Variants in COL5A2 observed in about 807,000 individuals in gnomAD.
The protein encoded by COL5A2 is collagen type V alpha 2 chain.
In COL5A2, 23 loss-of-function variants were observed where a neutral mutation model predicts 208.2. The observed-to-expected ratio is 0.11, with a 90% confidence interval of 0.08 to 0.16. COL5A2 has a LOEUF of 0.16. Among genes scored for constraint, COL5A2 ranks in the 10% least tolerant of loss-of-function variants. The pLI, the probability that COL5A2 is intolerant of heterozygous loss-of-function variation, is 1.00. For synonymous variants in COL5A2, 625 were observed against 628.5 expected, an observed-to-expected ratio of 0.99 and a Z score of 0.08; for missense variants, 1,590 against 1,956.4, an observed-to-expected ratio of 0.81 and a Z score of 3.53.
chr2:189,428,335 G>A, the COL5A2 span, among the ~76,000 whole-genome samples: 1 of 152,058 alleles, frequency 6.6e-6, no homozygotes. Context: ...GTTTAAAACT[G>A]TGAGCCAGGC....
At chr2:189,147,275 AC>A (rs1384715546) in intron 1 of COL5A2, among the ~76,000 whole-genome samples, 6 of 152,152 alleles carry the variant, frequency 3.9e-5, no homozygotes, top group Non-Finnish European at 8.8e-5. Context: ...TTATGAAAAA[AC>A]GTAAGGGTTA....
chr2:189,101,024 G>C (rs1576527437), intron 3 of COL5A2, among the ~76,000 whole-genome samples: 1 of 152,092 alleles, frequency 6.6e-6, no homozygotes, highest in East Asian at 1.9e-4. Context: ...TCTTCGAACA[G>C]ATTTTGGTCT....
At chr2:189,089,665 T>G (rs1234360872) in intron 7 of COL5A2, among the ~76,000 whole-genome samples, 1 of 152,196 alleles carries the variant, frequency 6.6e-6, no homozygotes, top group Non-Finnish European at 1.5e-5. Flanking sequence ...ATGTTTGCAA[T>G]AGCATGTGTT....
intron 2 of COL5A2, among the ~76,000 whole-genome samples, chr2:189,108,428 C>T (rs1313719886): frequency 1.3e-5 from 2 of 151,828 alleles, no homozygotes; most frequent in African/African-American, 2.4e-5. Flanking sequence ...GTATATATTG[C>T]TCCACTGTCT....
chr2:189,303,611 C>G, the COL5A2 span, among the ~76,000 whole-genome samples: 1 of 152,192 alleles, frequency 6.6e-6, no homozygotes, highest in African/African-American at 2.4e-5. Context: ...GAACTGTAAC[C>G]TAGCTTAATA....
the COL5A2 span, among the ~76,000 whole-genome samples, chr2:189,399,161 T>C: frequency 1.7e-4 from 26 of 152,198 alleles, no homozygotes; most frequent in African/African-American, 6.3e-4. Flanking sequence ...TTTCCTTCTG[T>C]GTGAAGTACT....
the COL5A2 span, among the ~76,000 whole-genome samples, chr2:189,292,458 C>T: frequency 3.3e-5 from 5 of 152,152 alleles, no homozygotes; most frequent in African/African-American, 7.2e-5. Flanking sequence ...TGAACAGACA[C>T]TTCTCAAAAG....
At chr2:189,180,721 A>AT (rs1688767701), upstream of COL5A2, among the ~76,000 whole-genome samples, 1 of 152,232 alleles carries the variant, frequency 6.6e-6, no homozygotes, top group African/African-American at 2.4e-5. Context: ...ATAAAAGCAG[A>AT]TGGTGGTATT....
At chr2:189,059,353 C>G (rs1685970034) in intron 31 of COL5A2, among the ~76,000 whole-genome samples, 1 of 151,952 alleles carries the variant, frequency 6.6e-6, no homozygotes, top group Non-Finnish European at 1.5e-5. Flanking sequence ...GGACAAAGCA[C>G]TCTACTAGGT....
the COL5A2 span, among the ~76,000 whole-genome samples, chr2:189,390,977 TTAAAA>T: frequency 6.6e-6 from 1 of 152,212 alleles, no homozygotes; most frequent in South Asian, 2.1e-4. Flanking sequence ...AGCTAATTTC[TTAAAA>T]TAATAAAGTT....
chr2:189,371,717 G>T, the COL5A2 span, among the ~76,000 whole-genome samples: 6 of 152,166 alleles, frequency 3.9e-5, no homozygotes, highest in Non-Finnish European at 8.8e-5. Flanking sequence ...GCTTCTAATA[G>T]CCTAAAATCA....
chr2:189,259,169 C>T, the COL5A2 span, among the ~76,000 whole-genome samples: 1 of 152,178 alleles, frequency 6.6e-6, no homozygotes, highest in South Asian at 2.1e-4. Context: ...CTTCTGGTGG[C>T]AGAACAGTGG....
At chr2:189,251,765 C>A in the COL5A2 span, among the ~76,000 whole-genome samples, 1 of 151,692 alleles carries the variant, frequency 6.6e-6, no homozygotes, top group Non-Finnish European at 1.5e-5. Flanking sequence ...ACAAATGGGA[C>A]CTAATTAAAC....
intron 1 of COL5A2, among the ~76,000 whole-genome samples, chr2:189,152,198 A>G (rs1688156341): frequency 6.6e-6 from 1 of 152,156 alleles, no homozygotes; most frequent in Admixed American, 6.6e-5. Flanking sequence ...TAGATATGGA[A>G]CCTGACACTT....
chr2:189,247,618 T>C, the COL5A2 span, among the ~76,000 whole-genome samples: 1 of 151,466 alleles, frequency 6.6e-6, no homozygotes, highest in African/African-American at 2.4e-5. Flanking sequence ...TCTTGCTGTG[T>C]TGCCCAGCTG....
the COL5A2 span, among the ~76,000 whole-genome samples, chr2:189,359,401 C>T: frequency 6.6e-6 from 1 of 152,164 alleles, no homozygotes; most frequent in African/African-American, 2.4e-5. Context: ...TTGAATCACC[C>T]TTGCATCCCA....
At chr2:189,090,207 G>C (rs1686754303) in intron 7 of COL5A2, among the ~76,000 whole-genome samples, 1 of 152,130 alleles carries the variant, frequency 6.6e-6, no homozygotes, top group Admixed American at 6.5e-5. Flanking sequence ...ATGGAGAAAG[G>C]TTTAGTAGTC....
intron 53 of COL5A2, 46 bp downstream of exon 53, chr2:189,034,870 A>T (rs754225519): frequency 5.5e-5 from 88 of 1,612,116 alleles, no homozygotes; most frequent in Non-Finnish European, 7.0e-5. Flanking sequence ...TAACAAAAAT[A>T]ATTTTTTTTC....
At chr2:189,100,422 G>C (rs945292874) in intron 3 of COL5A2, among the ~76,000 whole-genome samples, 1 of 151,956 alleles carries the variant, frequency 6.6e-6, no homozygotes, top group African/African-American at 2.4e-5. Context: ...GAGTTGACTA[G>C]AGCACAAAAT....
Sources: allele counts gnomAD v4.1 joint callset (sites outside exome capture counted in the v4.1 genomes callset), GRCh38; gene constraint gnomAD v4.1.1; transcripts MANE v1.5; gene names NCBI Gene and HGNC (gene_info 2026-07-23, HGNC 2026-07-21).